The following RANBP3 variants were observed in gnomAD, a reference collection of about 807,000 sequenced individuals.
RANBP3 encodes RAN binding protein 3.
In RANBP3, 14 loss-of-function variants were observed where a neutral mutation model predicts 77.3. That is an observed-to-expected ratio of 0.18 (90% confidence interval 0.12 to 0.28). The LOEUF (loss-of-function observed/expected upper bound fraction) is 0.28. RANBP3 is among the 10% of genes least tolerant of loss of function. RANBP3 has a pLI of 1.00. For missense variants in RANBP3, 586 were observed against 752.3 expected (o/e 0.78, Z 2.59); for synonymous variants, 315 against 312.4 (o/e 1.01, Z -0.09).
At chr19:5,953,992 G>A (rs1387689806) in intron 2 of RANBP3, among the ~76,000 whole-genome samples, 2 of 152,222 alleles carry the variant, frequency 1.3e-5, no homozygotes, top group Non-Finnish European at 2.9e-5. Flanking sequence ...TCCGTAGTGT[G>A]CTGAAGTGCA....
At chr19:5,953,476 T>C (rs1025505143) in intron 2 of RANBP3, among the ~76,000 whole-genome samples, 6 of 152,340 alleles carry the variant, frequency 3.9e-5, no homozygotes, top group African/African-American at 1.4e-4. Context: ...TTTTCAGTGA[T>C]ACTGTACTTT....
intron 1 of RANBP3, among the ~76,000 whole-genome samples, chr19:5,972,351 G>A (rs868646913): frequency 1.1e-4 from 17 of 152,204 alleles, no homozygotes; most frequent in Non-Finnish European, 2.9e-5. Flanking sequence ...TACTGAGGAG[G>A]AAGCAAACTG....
chr19:5,927,379 TAAAAA>T (rs1166248233), intron 9 of RANBP3, among the ~76,000 whole-genome samples: 6 of 151,250 alleles, frequency 4.0e-5, no homozygotes, highest in Non-Finnish European at 8.9e-5. Context: ...CTGCCCCACT[TAAAAA>T]AAAATAAGGT....
chr19:5,964,745 G>A (rs2058443341), intron 1 of RANBP3, among the ~76,000 whole-genome samples: 1 of 151,808 alleles, frequency 6.6e-6, no homozygotes, highest in African/African-American at 2.4e-5. Flanking sequence ...GGTCAGGGTG[G>A]CACATGCAGT....
intron 3 of RANBP3, among the ~76,000 whole-genome samples, chr19:5,944,356 C>T (rs2145152341): frequency 6.6e-6 from 1 of 152,334 alleles, no homozygotes; most frequent in East Asian, 1.9e-4. Flanking sequence ...CTGTCACCAC[C>T]TTGTCATCCC....
rs766743093 is a variant in RANBP3 at position 5,925,616 on chromosome 19, T to G, written c.917+18A>C. ...TGCATCGCCATGCCAGGCTGGCCGC[T>G]GACACCGAGACACACACCTGGAACT... is the stretch of plus-strand genomic sequence containing the variant. On this transcript the variant is annotated intron_variant, in intron 10 of 16. Coordinates refer to ENST00000340578, the MANE Select transcript of RANBP3 (RefSeq NM_007322.3). 1.2e-6 allele frequency: 2 copies of G among 1,610,986 alleles called. No homozygotes were observed. Among genetic ancestry groups the G allele is most frequent in the East Asian group, 4.5e-5 (2 of 44,834 alleles).
At chr19:5,955,510 G>T (rs898437407) in intron 2 of RANBP3, among the ~76,000 whole-genome samples, 14 of 152,204 alleles carry the variant, frequency 9.2e-5, no homozygotes, top group African/African-American at 2.9e-4. Flanking sequence ...AAATTAGCCT[G>T]CAAATCACAA....
chr19:5,967,866 C>T (rs1366824758), intron 1 of RANBP3, among the ~76,000 whole-genome samples: 1 of 151,950 alleles, frequency 6.6e-6, no homozygotes, highest in African/African-American at 2.4e-5. Context: ...ACCCAAAATA[C>T]AAAAATTAGC....
chr19:5,950,234 G>A (rs1385807219), intron 3 of RANBP3, among the ~76,000 whole-genome samples: 1 of 152,126 alleles, frequency 6.6e-6, no homozygotes, highest in Non-Finnish European at 1.5e-5. Context: ...GTGCACTGTG[G>A]GTCAAGTGCC....
chr19:5,926,835 T>C (rs376421104), intron 9 of RANBP3, among the ~76,000 whole-genome samples: 29 of 152,252 alleles, frequency 1.9e-4, no homozygotes, highest in African/African-American at 5.1e-4. Context: ...ACTTTCCACG[T>C]TTCTCGACTT....
rs1038607534 is a variant in RANBP3, at chr19:5,959,773, C to T, written c.23-1800G>A. ...GGATCCTAGAGGTCTTCCGGTGCCA[C>T]GCCTGTACCCCACAAGCCCAGCCCT... On this transcript the variant is annotated intron_variant, in intron 1 of 16. Transcript: ENST00000340578. This position sits in a 1 kb window ranked among gnomAD's most constrained non-coding sequence, Gnocchi z 5.1. 2.6e-5 allele frequency among the ~76,000 whole-genome samples: 4 copies of T among 152,168 alleles called. No homozygotes were observed. The highest frequency in any genetic ancestry group is 6.5e-5 in the Admixed American group (1 of 15,280).
In RANBP3 at chr19:5,917,530, C is replaced by A. The variant is rs964883355; in HGVS notation, c.*80G>T. The A allele has an allele frequency of 7.6e-6, 11 of 1,453,554 alleles. No homozygotes were observed. The Admixed American group carries it at 1.8e-4, about 24-fold the overall frequency. 90.0% of individuals were successfully genotyped at this position (1,453,554 alleles called of 1,614,324 possible). ...TGGTTCCCGGCCCCGCACCTGGACG[C>A]TGCCGGTGGGGTGGGGGCGGGTGGG... On this transcript the variant is annotated 3_prime_UTR_variant, in exon 17 of 17. Coordinates refer to ENST00000340578, the MANE Select transcript of RANBP3 (RefSeq NM_007322.3).
chr19:5,925,309 C>A, intron 10 of RANBP3: 1 of 499,086 alleles, frequency 2.0e-6, no homozygotes, highest in Non-Finnish European at 3.6e-6. Flanking sequence ...TGAGTCGCCT[C>A]TGGCCTGCTC....
At chr19:5,928,228 T>C in intron 8 of RANBP3, 141 bp from the exon 9 acceptor site, 1 of 1,017,020 alleles carries the variant, frequency 9.8e-7, no homozygotes, top group Non-Finnish European at 1.4e-6. Context: ...CTCAGAAGGC[T>C]GAGACAGGAG....
intron 8 of RANBP3, among the ~76,000 whole-genome samples, chr19:5,928,672 C>T (rs946009518): frequency 1.3e-5 from 2 of 152,060 alleles, no homozygotes; most frequent in Non-Finnish European, 2.9e-5. Context: ...AAACTACTGA[C>T]GGAGGTTACC....
Position 5,943,593 on chromosome 19 carries a change from G to A in RANBP3, c.283-1758C>T, listed in dbSNP as rs572461101. On this transcript the variant is annotated intron_variant, in intron 3 of 16. Transcript: ENST00000340578. ...TGAAGTCACATAGCTCGTTCACGACGGTCAGAAAAAAAGCTACCCTGGACT... is the reference window on the plus strand; with the variant it reads ...TGAAGTCACATAGCTCGTTCACGACAGTCAGAAAAAAAGCTACCCTGGACT... Among the ~76,000 whole-genome samples, 86 of 152,280 alleles carry A rather than the reference G, an allele frequency of 5.6e-4. 1 individual carries two copies. The highest frequency in any genetic ancestry group is 2.0e-3 in the African/African-American group (82 of 41,554).
intron 1 of RANBP3, among the ~76,000 whole-genome samples, chr19:5,971,000 G>A (rs1405650907): frequency 8.5e-5 from 13 of 152,226 alleles, no homozygotes; most frequent in Admixed American, 3.3e-4. Context: ...GCAAGGCAGC[G>A]GAGAAACCCA....
intron 9 of RANBP3, among the ~76,000 whole-genome samples, chr19:5,926,127 T>C (rs1288918839): frequency 6.6e-6 from 1 of 152,160 alleles, no homozygotes; most frequent in Non-Finnish European, 1.5e-5. Flanking sequence ...TGAGGGCCTC[T>C]TTCCTACCAG....
intron 9 of RANBP3, among the ~76,000 whole-genome samples, chr19:5,927,094 C>T (rs1372966506): frequency 6.6e-6 from 1 of 152,116 alleles, no homozygotes; most frequent in Non-Finnish European, 1.5e-5. Flanking sequence ...ACACAGCCAC[C>T]GATACCGCCT....
Sources: gnomAD v4.1 joint callset for allele counts (sites outside exome capture counted in the v4.1 genomes callset) on GRCh38, gnomAD v4.1.1 for gene constraint, Gnocchi (gnomAD v3.1) non-coding constraint, MANE v1.5 for transcripts, NCBI Gene and HGNC (gene_info 2026-07-23, HGNC 2026-07-21) for gene names.